MUSK: variants seen among roughly 807,000 people sequenced by gnomAD.
The protein encoded by MUSK is muscle, skeletal receptor tyrosine-protein kinase.
Under a neutral mutation model 88.7 loss-of-function variants are expected in MUSK, and 55 were observed. The observed-to-expected ratio is 0.62, with a 90% CI of 0.50 to 0.78. The LOEUF is 0.78. Ranked by LOEUF, MUSK falls within the 30% of genes least tolerant of loss-of-function variation. The pLI, the probability that MUSK is intolerant of heterozygous loss-of-function variation, is 0.00. For missense variants in MUSK, 1,015 were observed against 1,074.3 expected, an observed-to-expected ratio of 0.94 and a Z score of 0.77; for synonymous variants, 387 against 391.9, an observed-to-expected ratio of 0.99 and a Z score of 0.15.
intron 6 of MUSK, among the ~76,000 whole-genome samples, chr9:110,735,339 A>T (rs1282800011): frequency 1.3e-5 from 2 of 152,182 alleles, no homozygotes; most frequent in African/African-American, 4.8e-5. Context: ...TGGATACAGA[A>T]AATGTGGTAC....
intron 5 of MUSK, among the ~76,000 whole-genome samples, chr9:110,723,961 A>G (rs1236621837): frequency 6.6e-6 from 1 of 151,900 alleles, no homozygotes; most frequent in Non-Finnish European, 1.5e-5. Flanking sequence ...CTTTTAGTTA[A>G]TCTTTCACAT....
At chr9:110,786,040 G>A (rs1201925863) in intron 13 of MUSK, among the ~76,000 whole-genome samples, 4 of 150,242 alleles carry the variant, frequency 2.7e-5, no homozygotes, top group Admixed American at 1.3e-4. Flanking sequence ...GGCCAGGTGC[G>A]GTGGCTCGTG....
At chr9:110,766,498 G>A (rs2077487485) in intron 8 of MUSK, among the ~76,000 whole-genome samples, 1 of 152,176 alleles carries the variant, frequency 6.6e-6, no homozygotes, top group Non-Finnish European at 1.5e-5. Flanking sequence ...TGAATTAAAG[G>A]AAGACTCTAT....
chr9:110,777,007 T>C (rs139726998), intron 11 of MUSK, among the ~76,000 whole-genome samples: 1 of 152,182 alleles, frequency 6.6e-6, no homozygotes, highest in African/African-American at 2.4e-5. Flanking sequence ...TATGTATAGA[T>C]GAAACCCAAC....
chr9:110,691,440 A>T (rs754515238), intron 3 of MUSK, among the ~76,000 whole-genome samples: 1 of 152,082 alleles, frequency 6.6e-6, no homozygotes, highest in Non-Finnish European at 1.5e-5. Context: ...CATCACCAGC[A>T]TCATCATGTT....
At chr9:110,776,537 G>A in intron 10 of MUSK, 95 bp from the exon 11 acceptor site, 1 of 987,340 alleles carries the variant, frequency 1.0e-6, no homozygotes, top group Non-Finnish European at 1.6e-6. Flanking sequence ...AAAAAGCTGA[G>A]AGAGAACTTG....
In MUSK at chr9:110,734,300, C is replaced by T; in HGVS notation, c.678C>T (p.Gly226=). The part of the protein sequence containing the change: ...RAPESHNVTF[G]SFVTLHCTAT... ...CTGAATCCCACAATGTCACCTTTGG[C>T]TCCTTTGTGACCCTGCACTGTACAG... The change falls in exon 6 of 15, where the codon GGC becomes GGT. Residue 226 remains glycine, a synonymous_variant. Transcript: ENST00000374448. The T allele has an allele frequency of 6.2e-7, 1 of 1,613,264 alleles. No individual in the cohort carries two copies. The highest frequency in any genetic ancestry group is 8.5e-7 in the Non-Finnish European group (1 of 1,179,462).
chr9:110,775,407 G>T (rs552765303), intron 9 of MUSK: 2 of 247,266 alleles, frequency 8.1e-6, no homozygotes, highest in South Asian at 5.0e-5. Context: ...GGTTGACAAT[G>T]ATCCTGACTT....
chr9:110,689,516 T>C lies in MUSK; in HGVS notation c.358+2248T>C, dbSNP rs1263607784. On this transcript the variant is annotated intron_variant, in intron 3 of 14. Coordinates refer to ENST00000374448, the MANE Select transcript of MUSK (RefSeq NM_005592.4). The stretch of plus-strand genomic sequence containing the variant: ...TAAAAAATACATATTTATATATAAA[T>C]ATATACAACTATATATAAATATATA... 1.7e-4 allele frequency among the ~76,000 whole-genome samples: 14 copies of C among 81,410 alleles called. 1 individual carries two copies. The highest frequency in any genetic ancestry group is 3.1e-4 in the Admixed American group (2 of 6,442). The allele number at this position is 81,410 out of a possible 152,430, so 53.4% of individuals were successfully genotyped here. A position where few individuals can be genotyped will look rare whatever the true frequency, so the allele number is the denominator to read the frequency against.
chr9:110,785,139 C>T (rs2077832999), intron 12 of MUSK, 123 bp downstream of exon 12: 7 of 889,538 alleles, frequency 7.9e-6, no homozygotes, highest in Non-Finnish European at 1.2e-5. Context: ...CGTAGCCCTG[C>T]TTTAAAATTA....
chr9:110,697,311 C>T lies in MUSK; in HGVS notation c.487-14C>T. Reference sequence around the variant, plus strand: ...CCATAAACATTTTTGAATTCACGTCCCTATCTCTGGCAGGAAAATTCCCGA... The same window carrying T: ...CCATAAACATTTTTGAATTCACGTCTCTATCTCTGGCAGGAAAATTCCCGA... On this transcript the variant is annotated splice_polypyrimidine_tract_variant and intron_variant, in intron 4 of 14. Coordinates refer to ENST00000374448, the MANE Select transcript of MUSK (RefSeq NM_005592.4). 1 of 1,611,784 alleles carries T rather than the reference C, an allele frequency of 6.2e-7. No individual in the cohort carries two copies. The highest frequency in any genetic ancestry group is 8.5e-7 in the Non-Finnish European group (1 of 1,178,660).
chr9:110,775,882 C>T lies in MUSK; in HGVS notation c.1279C>T (p.His427Tyr). 1 of 1,613,930 alleles carries T rather than the reference C, an allele frequency of 6.2e-7. No homozygotes were observed. The highest frequency in any genetic ancestry group is 8.5e-7 in the Non-Finnish European group (1 of 1,179,836). Residue 427 changes from histidine to tyrosine, a missense_variant, in exon 10 of 15, where the codon CAT (histidine) becomes TAT (tyrosine). Coordinates refer to ENST00000374448, the MANE Select transcript of MUSK (RefSeq NM_005592.4). Reference sequence around the variant, plus strand: ...CAGAGGACTCTACAGATCCGAGATGCATTTGCTGTCCGTGCCAGAATGCAG... The same window carrying T: ...CAGAGGACTCTACAGATCCGAGATGTATTTGCTGTCCGTGCCAGAATGCAG... ...THRGLYRSEM[H>Y]LLSVPECSKL... is the part of the protein sequence containing the mutation.
intron 11 of MUSK, among the ~76,000 whole-genome samples, chr9:110,779,078 G>GTGTGTC (rs2077714065): frequency 6.6e-6 from 1 of 151,906 alleles, no homozygotes; most frequent in East Asian, 1.9e-4. Flanking sequence ...GTGTGTGTGT[G>GTGTGTC]TGTGTCTGTG....
chr9:110,764,585 G>T, intron 8 of MUSK, among the ~76,000 whole-genome samples: 1 of 144,790 alleles, frequency 6.9e-6, no homozygotes, highest in East Asian at 2.0e-4. Flanking sequence ...TATAAATTTA[G>T]ATAGATAGAT....
chr9:110,681,204 A>G (rs1215842558), intron 1 of MUSK, among the ~76,000 whole-genome samples: 8 of 124,488 alleles, frequency 6.4e-5, no homozygotes, highest in Non-Finnish European at 1.1e-4. Context: ...TATAATATAT[A>G]TTATAATGAT....
Position 110,747,645 on chromosome 9 carries a change from C to A in MUSK, c.758C>A (p.Ser253Tyr). The A allele has an allele frequency of 6.2e-7, 1 of 1,611,492 alleles. No individual in the cohort carries two copies. Among genetic ancestry groups the A allele is most frequent in the South Asian group, 1.1e-5 (1 of 90,938 alleles). The part of the protein sequence containing the change: ...ITWIENGNAV[S>Y]SGSIQESVKD... Reference sequence around the variant, plus strand: ...TATTTTCCTTTACTCTGTCAGGTTTCTTCTGGGTCCATTCAAGAGAGTGTG... The same window carrying A: ...TATTTTCCTTTACTCTGTCAGGTTTATTCTGGGTCCATTCAAGAGAGTGTG... Residue 253 changes from serine to tyrosine, a missense_variant, in exon 7 of 15, where the codon TCT becomes TAT. Coordinates refer to ENST00000374448, the MANE Select transcript of MUSK (RefSeq NM_005592.4).
intron 6 of MUSK, among the ~76,000 whole-genome samples, chr9:110,744,036 C>T (rs2077138920): frequency 6.6e-6 from 1 of 151,670 alleles, no homozygotes; most frequent in Non-Finnish European, 1.5e-5. Flanking sequence ...GGCGCGATCT[C>T]AGCTCACTGC....
chr9:110,689,764 TATATATCAC>T (rs2076282222), intron 3 of MUSK, among the ~76,000 whole-genome samples: 1 of 65,308 alleles, frequency 1.5e-5, no homozygotes, highest in East Asian at 5.1e-4. Flanking sequence ...ATATAAACTA[TATATATCAC>T]ATATAGTTTA....
chr9:110,719,445 T>C (rs940289000), intron 5 of MUSK, among the ~76,000 whole-genome samples: 4 of 152,066 alleles, frequency 2.6e-5, no homozygotes, highest in African/African-American at 9.7e-5. Context: ...GCTATTCTTA[T>C]ATCAGACAAA....
Sources: gnomAD v4.1 joint callset for allele counts (sites outside exome capture counted in the v4.1 genomes callset) on GRCh38, gnomAD v4.1.1 for gene constraint, MANE v1.5 for transcripts, NCBI Gene and HGNC (gene_info 2026-07-23, HGNC 2026-07-21) for gene names.